The following ANKIB1 variants were observed in gnomAD, a reference collection of about 807,000 sequenced individuals.
ANKIB1 encodes the protein ankyrin repeat and IBR domain containing 1.
A neutral mutation model predicts 122.1 loss-of-function variants in ANKIB1; 43 were observed. The ratio of observed to expected loss-of-function variants is 0.35; its 90% CI spans 0.28 to 0.45. The LOEUF is 0.45. ANKIB1 is among the 20% of genes least tolerant of loss of function. The probability of loss-of-function intolerance (pLI) is 1.00; values close to 1 mark genes in which losing one functional copy is unlikely to be tolerated. For missense variants in ANKIB1, 992 were observed against 1,329.5 expected (o/e 0.75, Z 3.95); for synonymous variants, 390 against 442.0 (o/e 0.88, Z 1.48).
intron 11 of ANKIB1, among the ~76,000 whole-genome samples, chr7:92,374,347 G>A (rs1006460296): frequency 1.3e-5 from 2 of 151,934 alleles, no homozygotes; most frequent in Non-Finnish European, 2.9e-5. Context: ...GTATGGTGAC[G>A]GGCACCTGTA....
chr7:92,270,198 G>T (rs765138226), intron 1 of ANKIB1, among the ~76,000 whole-genome samples: 1 of 152,120 alleles, frequency 6.6e-6, no homozygotes, highest in Non-Finnish European at 1.5e-5. Flanking sequence ...GAGTAGCTGG[G>T]ACTGTAGGCG....
At chr7:92,359,176 C>G (rs191203366) in intron 9 of ANKIB1, among the ~76,000 whole-genome samples, 2 of 152,250 alleles carry the variant, frequency 1.3e-5, no homozygotes, top group East Asian at 3.9e-4. Context: ...CACCTATCAA[C>G]CTGTCACCTA....
At chr7:92,307,072 A>G (rs1802576142) in intron 2 of ANKIB1, among the ~76,000 whole-genome samples, 1 of 151,942 alleles carries the variant, frequency 6.6e-6, no homozygotes, top group African/African-American at 2.4e-5. Context: ...CACCTGTTAT[A>G]TTTCTCATCT....
At position 92,343,303 on chromosome 7, in the gene ANKIB1, T is replaced by C. The variant is rs1161939178; in HGVS notation, c.996+71T>C. Reference sequence around the variant, plus strand: ...CTTTTAACATTCAAATGATTTAATATTGTTCCATGGAGTGTCTGGTTGTGT... The same window carrying C: ...CTTTTAACATTCAAATGATTTAATACTGTTCCATGGAGTGTCTGGTTGTGT... On this transcript the variant is annotated intron_variant, in intron 6 of 19. Coordinates refer to ENST00000265742, the MANE Select transcript of ANKIB1 (RefSeq NM_019004.2). The C allele has an allele frequency of 1.1e-5, 15 of 1,377,522 alleles. No homozygotes were observed. In the South Asian group the frequency reaches 1.1e-4, roughly 10 times the overall value. 85.3% of individuals were successfully genotyped at this position (1,377,522 alleles called of 1,614,324 possible).
chr7:92,258,209 A>C (rs539640063), intron 1 of ANKIB1, among the ~76,000 whole-genome samples: 34 of 152,362 alleles, frequency 2.2e-4, no homozygotes, highest in Middle Eastern at 3.4e-3. Flanking sequence ...TTAACTACCC[A>C]AAAACTCTGA....
chr7:92,380,634 A>G (rs1804491837), intron 11 of ANKIB1, among the ~76,000 whole-genome samples: 1 of 152,190 alleles, frequency 6.6e-6, no homozygotes, highest in Non-Finnish European at 1.5e-5. Context: ...AGTGGACCTC[A>G]AGCAAACTCC....
intron 11 of ANKIB1, among the ~76,000 whole-genome samples, chr7:92,385,729 C>T (rs377242720): frequency 1.3e-5 from 2 of 151,884 alleles, no homozygotes; most frequent in African/African-American, 2.4e-5. Flanking sequence ...TGGGGCCTGT[C>T]GTGGTGTGGG....
chr7:92,371,191 T>A (rs967105643), intron 10 of ANKIB1, among the ~76,000 whole-genome samples: 1 of 152,008 alleles, frequency 6.6e-6, no homozygotes, highest in Non-Finnish European at 1.5e-5. Context: ...TTTTTTTAAA[T>A]TTTTTTGTGT....
chr7:92,338,076 G>A (rs1054737984), intron 5 of ANKIB1, among the ~76,000 whole-genome samples: 3 of 152,118 alleles, frequency 2.0e-5, no homozygotes, highest in Admixed American at 2.0e-4. Flanking sequence ...GAAATAGAAG[G>A]AGAACGATAA....
At chr7:92,292,740 A>G (rs1164323195) in intron 1 of ANKIB1, among the ~76,000 whole-genome samples, 1 of 152,202 alleles carries the variant, frequency 6.6e-6, no homozygotes, top group African/African-American at 2.4e-5. Flanking sequence ...AAACTTAACT[A>G]TGTCATATGA....
intron 1 of ANKIB1, among the ~76,000 whole-genome samples, chr7:92,257,278 T>G (rs1801468583): frequency 6.6e-6 from 1 of 152,152 alleles, no homozygotes; most frequent in Non-Finnish European, 1.5e-5. Context: ...TTGAGATTAG[T>G]TTCTGTGAAA....
At chr7:92,323,969 A>G (rs910852585) in intron 4 of ANKIB1, among the ~76,000 whole-genome samples, 1 of 152,208 alleles carries the variant, frequency 6.6e-6, no homozygotes, top group Non-Finnish European at 1.5e-5. Flanking sequence ...GGTTTAACCT[A>G]CTCTGTTCTG....
intron 1 of ANKIB1, among the ~76,000 whole-genome samples, chr7:92,275,468 G>A (rs1240001612): frequency 6.6e-6 from 1 of 152,136 alleles, no homozygotes; most frequent in Non-Finnish European, 1.5e-5. Context: ...TGGAAAAATT[G>A]TAACAATGTC....
chr7:92,324,378 C>T (rs1485298638), intron 4 of ANKIB1, among the ~76,000 whole-genome samples: 3 of 152,110 alleles, frequency 2.0e-5, no homozygotes, highest in Non-Finnish European at 2.9e-5. Context: ...GGATTACAGG[C>T]GCCCACTGCC....
rs1237794322 is a variant in ANKIB1, at chr7:92,391,192, C to T, written c.2079C>T (p.Asp693=). Residue 693 remains aspartate, a synonymous_variant, in exon 16 of 20, where the codon GAC becomes GAT. Coordinates refer to ENST00000265742, the MANE Select transcript of ANKIB1 (RefSeq NM_019004.2). ...CAGACCTAGAAATGGTCACTGAAGA[C>T]CTTGCCCAGAAAGTCAATAGGCCTT... The part of the protein sequence containing the change: ...MQTDLEMVTE[D]LAQKVNRPYL... The T allele has an allele frequency of 6.2e-7, 1 of 1,612,148 alleles. No homozygotes were observed. Among genetic ancestry groups the T allele is most frequent in the Non-Finnish European group, 8.5e-7 (1 of 1,179,110 alleles).
chr7:92,360,226 C>T (rs756031367), intron 9 of ANKIB1, among the ~76,000 whole-genome samples: 1 of 152,134 alleles, frequency 6.6e-6, no homozygotes, highest in Non-Finnish European at 1.5e-5. Flanking sequence ...AGTAACTCCC[C>T]ATCCTCTCCT....
At chr7:92,279,878 A>G (rs1186800609) in intron 1 of ANKIB1, among the ~76,000 whole-genome samples, 4 of 152,020 alleles carry the variant, frequency 2.6e-5, no homozygotes, top group Non-Finnish European at 5.9e-5. Flanking sequence ...ACAAACAAGC[A>G]CACACACACA....
In ANKIB1 at chr7:92,327,863, T is replaced by A; in HGVS notation, c.750T>A (p.Ala250=). ...TGGAAACTGCAGACATGCTTCAGGC[T>A]CCTCTCTTTACTGCTGAAGCTTTAC... ...LIVETADMLQ[A]PLFTAEALLR... is the part of the protein sequence containing the mutation. The change falls in exon 5 of 20, where the codon GCT becomes GCA. Residue 250 remains alanine, a synonymous_variant. Coordinates refer to ENST00000265742, the MANE Select transcript of ANKIB1 (RefSeq NM_019004.2). 6.3e-7 allele frequency: 1 copy of A among 1,595,148 alleles called. No individual in the cohort carries two copies. Among genetic ancestry groups the A allele is most frequent in the Non-Finnish European group, 8.5e-7 (1 of 1,174,426 alleles).
chr7:92,344,896 C>A, intron 6 of ANKIB1, 82 bp from the exon 7 acceptor site: 1 of 1,231,520 alleles, frequency 8.1e-7, no homozygotes, highest in Non-Finnish European at 1.2e-6. Flanking sequence ...AGTATTTTTG[C>A]CTTTTAAAAA....
Sources: allele counts gnomAD v4.1 joint callset (sites outside exome capture counted in the v4.1 genomes callset), GRCh38; gene constraint gnomAD v4.1.1; transcripts MANE v1.5; gene names NCBI Gene and HGNC (gene_info 2026-07-23, HGNC 2026-07-21).